DNAI1: variants seen among roughly 807,000 people sequenced by gnomAD.
The protein encoded by DNAI1 is dynein axonemal intermediate chain 1.
In DNAI1, 67 loss-of-function variants were observed where a neutral mutation model predicts 92.0. The ratio of observed to expected loss-of-function variants is 0.73; its 90% CI spans 0.60 to 0.89. The LOEUF is 0.89. Ranked by LOEUF, DNAI1 falls within the 40% of genes least tolerant of loss-of-function variation. The pLI is 0.00. For synonymous variants in DNAI1, 323 were observed against 319.6 expected, an observed-to-expected ratio of 1.01 and a Z score of -0.11; for missense variants, 839 against 866.6, an observed-to-expected ratio of 0.97 and a Z score of 0.40.
chr9:34,513,669 T>G (rs139587549), intron 16 of DNAI1, among the ~76,000 whole-genome samples: 629 of 152,304 alleles, frequency 4.1e-3, no homozygotes, highest in Middle Eastern at 0.02. Flanking sequence ...GAAATAGCTC[T>G]GCTGCAAGCT....
At chr9:34,493,136 A>G in intron 8 of DNAI1, 58 bp from the exon 9 acceptor site, 3 of 1,613,008 alleles carry the variant, frequency 1.9e-6, no homozygotes, top group Non-Finnish European at 2.5e-6. Context: ...GGCTGAAAAG[A>G]GCTGTCTGGG....
Position 34,472,491 on chromosome 9 carries a change from T to G in DNAI1, c.49-10957T>G, listed in dbSNP as rs551108189. Among the ~76,000 whole-genome samples the G allele has an allele frequency of 3.3e-5, 5 of 152,356 alleles. 1 individual carries two copies. In the South Asian group the frequency reaches 1.0e-3, roughly 32 times the overall value. ...GGAATGGGGCTGGTCTTGTATTCTC[T>G]TTTCCAGCATTCTGAGCACTGTGCT... On this transcript the variant is annotated intron_variant, in intron 1 of 19. Coordinates refer to ENST00000242317, the MANE Select transcript of DNAI1 (RefSeq NM_012144.4).
At chr9:34,477,338 G>C (rs1476241587) in intron 1 of DNAI1, among the ~76,000 whole-genome samples, 5 of 152,060 alleles carry the variant, frequency 3.3e-5, no homozygotes, top group African/African-American at 9.7e-5. Flanking sequence ...TTCAAATCCT[G>C]GTCAACTTTG....
chr9:34,464,967 GACA>G (rs1305838347), intron 1 of DNAI1, among the ~76,000 whole-genome samples: 1 of 152,182 alleles, frequency 6.6e-6, no homozygotes, highest in Admixed American at 6.5e-5. Flanking sequence ...GAAGTAAGAA[GACA>G]ACAAGGAAAA....
chr9:34,480,846 T>G (rs1824338959), intron 1 of DNAI1, among the ~76,000 whole-genome samples: 1 of 152,128 alleles, frequency 6.6e-6, no homozygotes, highest in Admixed American at 6.5e-5. Context: ...CTTGGGAGGC[T>G]GAGGCAGGAG....
chr9:34,506,813 A>G lies in DNAI1; in HGVS notation c.1250A>G (p.His417Arg). 1 of 1,613,918 alleles carries G rather than the reference A, an allele frequency of 6.2e-7. No homozygotes were observed. Among genetic ancestry groups the G allele is most frequent in the Non-Finnish European group, 8.5e-7 (1 of 1,180,006 alleles). Reference protein sequence around the residue: ...NVAIYNLKKPHSQPSFCSSAK... With the variant: ...NVAIYNLKKPRSQPSFCSSAK... ...GCCATTTACAACCTCAAGAAGCCCC[A>G]CTCCCAGCCCTCCTTCTGCAGCTCA... The change falls in exon 13 of 20, where the codon CAC (histidine) becomes CGC (arginine). Residue 417 changes from histidine to arginine, a missense_variant. Transcript: ENST00000242317.
At chr9:34,465,787 T>G (rs1824028168) in intron 1 of DNAI1, among the ~76,000 whole-genome samples, 1 of 152,242 alleles carries the variant, frequency 6.6e-6, no homozygotes, top group South Asian at 2.1e-4. Context: ...GCAAGCCACA[T>G]GAAATTGTTT....
At chr9:34,480,264 T>G (rs1824325864) in intron 1 of DNAI1, among the ~76,000 whole-genome samples, 1 of 149,228 alleles carries the variant, frequency 6.7e-6, no homozygotes, top group Non-Finnish European at 1.5e-5. Flanking sequence ...TTGGTTTGTT[T>G]GGTGGAACTT....
intron 19 of DNAI1, among the ~76,000 whole-genome samples, chr9:34,519,481 T>C (rs1334135067): frequency 6.6e-6 from 1 of 151,924 alleles, no homozygotes; most frequent in African/African-American, 2.4e-5. Context: ...AAGCTTAATT[T>C]AGGAAGGAGA....
chr9:34,514,604 T>C (rs758068485), intron 17 of DNAI1, 36 bp from the exon 18 acceptor site: 1 of 1,614,006 alleles, frequency 6.2e-7, no homozygotes. Context: ...CTGTGAGCCC[T>C]CTGTGCCATG....
chr9:34,512,192 C>T lies in DNAI1; in HGVS notation c.1395C>T (p.Leu465=), dbSNP rs764446899. 9.9e-6 allele frequency: 16 copies of T among 1,614,010 alleles called. No individual in the cohort carries two copies. Among genetic ancestry groups the T allele is most frequent in the East Asian group, 2.2e-5 (1 of 44,900 alleles). The change falls in exon 14 of 20, where the codon CTC becomes CTT. Residue 465 remains leucine (L), a synonymous_variant. Transcript: ENST00000242317. ...SSDGRIVSWT[L]VKRKLVHIDV... is the part of the protein sequence containing the mutation. Reference sequence around the variant, plus strand: ...ACGGCAGGATTGTGTCTTGGACTCTCGTGAAGGTGCCTATTTCCCAGAGAG... The same window carrying T: ...ACGGCAGGATTGTGTCTTGGACTCTTGTGAAGGTGCCTATTTCCCAGAGAG...
chr9:34,462,898 C>G (rs1436639073), intron 1 of DNAI1, among the ~76,000 whole-genome samples: 2 of 152,042 alleles, frequency 1.3e-5, no homozygotes, highest in East Asian at 3.8e-4. Flanking sequence ...TAGCAAGAAA[C>G]AAAACAAACA....
chr9:34,517,266 G>A lies in DNAI1; in HGVS notation c.1819-19G>A, dbSNP rs1368533559. ...AGGCCTCATTACCCCTGAGTGTGCT[G>A]ACACCGACCTCTCCACAGGCCCACA... is the stretch of plus-strand genomic sequence containing the variant. On this transcript the variant is annotated intron_variant, in intron 18 of 19. Transcript: ENST00000242317. 10 of 1,611,274 alleles carry A rather than the reference G, an allele frequency of 6.2e-6. No homozygotes were observed. The highest frequency in any genetic ancestry group is 6.8e-6 in the Non-Finnish European group (8 of 1,179,054).
chr9:34,512,766 A>C (rs1825091790), intron 15 of DNAI1, among the ~76,000 whole-genome samples: 1 of 151,956 alleles, frequency 6.6e-6, no homozygotes, highest in African/African-American at 2.4e-5. Context: ...TGCAGACTAT[A>C]TCCCTGTTGG....
chr9:34,487,771 C>T (rs1232968041), intron 4 of DNAI1, among the ~76,000 whole-genome samples: 1 of 152,184 alleles, frequency 6.6e-6, no homozygotes, highest in Non-Finnish European at 1.5e-5. Flanking sequence ...GGAAAGCTCA[C>T]CTTACCCAAC....
chr9:34,493,948 G>C (rs1824664290), intron 9 of DNAI1, among the ~76,000 whole-genome samples: 1 of 152,150 alleles, frequency 6.6e-6, no homozygotes, highest in Admixed American at 6.5e-5. Flanking sequence ...ATCATCGTGG[G>C]AGTCACAGTG....
chr9:34,514,004 G>A (rs1033347145), intron 16 of DNAI1, among the ~76,000 whole-genome samples: 2 of 152,198 alleles, frequency 1.3e-5, no homozygotes, highest in Non-Finnish European at 2.9e-5. Context: ...GCTGCAGGTG[G>A]AACCAGGGCT....
chr9:34,461,707 A>C (rs1335416919), intron 1 of DNAI1, among the ~76,000 whole-genome samples: 2 of 152,204 alleles, frequency 1.3e-5, no homozygotes, highest in Non-Finnish European at 2.9e-5. Context: ...GTTTTAGTTC[A>C]GAGTAAATAT....
At chr9:34,515,947 T>A (rs903052661) in intron 18 of DNAI1, among the ~76,000 whole-genome samples, 75 of 151,766 alleles carry the variant, frequency 4.9e-4, no homozygotes, top group African/African-American at 1.7e-3. Flanking sequence ...AGTTGTTACA[T>A]TAAAAGAAGA....
Sources: gnomAD v4.1 joint callset for allele counts (sites outside exome capture counted in the v4.1 genomes callset) on GRCh38, gnomAD v4.1.1 for gene constraint, MANE v1.5 for transcripts, NCBI Gene and HGNC (gene_info 2026-07-23, HGNC 2026-07-21) for gene names.